ARHGAP25: variants seen among roughly 807,000 people sequenced by gnomAD.
ARHGAP25 encodes Rho GTPase activating protein 25.
Under a neutral mutation model 71.0 loss-of-function variants are expected in ARHGAP25, and 34 were observed. The observed-to-expected ratio is 0.48, with a 90% confidence interval of 0.36 to 0.64. The LOEUF (loss-of-function observed/expected upper bound fraction) is 0.64. Among genes scored for constraint, ARHGAP25 ranks in the 30% least tolerant of loss-of-function variants. The pLI, the probability that ARHGAP25 is intolerant of heterozygous loss-of-function variation, is 0.00. For missense variants in ARHGAP25, 706 were observed against 805.1 expected (o/e 0.88, Z 1.49); for synonymous variants, 282 against 296.5 (o/e 0.95, Z 0.50).
chr2:68,782,293 G>A lies in ARHGAP25; in HGVS notation c.322G>A (p.Gly108Arg), dbSNP rs1678398474. The part of the protein sequence containing the change: ...KEIATNPEEA[G>R]KFVFEIIPAS... ...GATCGCCACAAACCCAGAAGAAGCT[G>A]GGAAGTTTGTCTTTGAAATCATTCC... is the stretch of plus-strand genomic sequence containing the variant. The change falls in exon 3 of 11, where the codon GGG (glycine) becomes AGG (arginine). Residue 108 changes from glycine (G) to arginine (R), a missense_variant. Transcript: ENST00000409202. 1 of 1,614,112 alleles carries A rather than the reference G, an allele frequency of 6.2e-7. No homozygotes were observed. The highest frequency in any genetic ancestry group is 8.5e-7 in the Non-Finnish European group (1 of 1,179,992).
chr2:68,816,570 C>G, intron 7 of ARHGAP25: 3 of 555,644 alleles, frequency 5.4e-6, no homozygotes, highest in South Asian at 4.2e-5. Flanking sequence ...AACGTGCTCC[C>G]CCATTTAGGC....
chr2:68,762,549 C>T (rs532741543), intron 1 of ARHGAP25, among the ~76,000 whole-genome samples: 1 of 152,142 alleles, frequency 6.6e-6, no homozygotes, highest in South Asian at 2.1e-4. Context: ...AGGACCGCAT[C>T]CTGGGGTCCC....
At chr2:68,758,601 A>G (rs1418947514) in intron 1 of ARHGAP25, among the ~76,000 whole-genome samples, 1 of 151,950 alleles carries the variant, frequency 6.6e-6, no homozygotes, top group Non-Finnish European at 1.5e-5. Context: ...AGACCATAAA[A>G]ATATATAAAG....
At chr2:68,742,077 C>G (rs970245760) in intron 1 of ARHGAP25, among the ~76,000 whole-genome samples, 1 of 152,188 alleles carries the variant, frequency 6.6e-6, no homozygotes, top group African/African-American at 2.4e-5. Context: ...TAAGCTGTGA[C>G]TGACTAAGGT....
intron 1 of ARHGAP25, among the ~76,000 whole-genome samples, chr2:68,758,618 T>C (rs766241289): frequency 2.6e-5 from 4 of 151,920 alleles, no homozygotes; most frequent in East Asian, 1.9e-4. Context: ...AAAGCAAGCA[T>C]TGATAAAATT....
rs145791117 is a variant in ARHGAP25, at chr2:68,793,037, T to G, written c.466+5081T>G. 3.6e-4 allele frequency among the ~76,000 whole-genome samples: 55 copies of G among 152,324 alleles called. No homozygotes were observed. The East Asian group carries it at 8.9e-3, about 25-fold the overall frequency. On this transcript the variant is annotated intron_variant, in intron 4 of 10. Transcript: ENST00000409202. ...CTCTGATGATTATTAATGTTGAGGATTTTTTTCATATGCATGTTTGTCATT... is the reference window on the plus strand; with the variant it reads ...CTCTGATGATTATTAATGTTGAGGAGTTTTTTCATATGCATGTTTGTCATT...
Position 68,826,214 on chromosome 2 carries a change from G to T in ARHGAP25, c.*20G>T, listed in dbSNP as rs1219738017. Reference sequence around the variant, plus strand: ...GCTTAAGGGTCCCAGGAGTACTGCAGGGACAGCCCCAGAGAGGCCCAACTC... The same window carrying T: ...GCTTAAGGGTCCCAGGAGTACTGCATGGACAGCCCCAGAGAGGCCCAACTC... On this transcript the variant is annotated 3_prime_UTR_variant, in exon 11 of 11. Transcript: ENST00000409202. 6.2e-7 allele frequency: 1 copy of T among 1,612,106 alleles called. No individual in the cohort carries two copies. The highest frequency in any genetic ancestry group is 1.3e-5 in the African/African-American group (1 of 74,878).
intron 1 of ARHGAP25, among the ~76,000 whole-genome samples, chr2:68,746,577 C>G (rs536484464): frequency 1.3e-5 from 2 of 152,234 alleles, no homozygotes; most frequent in East Asian, 3.9e-4. Flanking sequence ...GCAGAGAGGC[C>G]CAGAACAAAG....
chr2:68,714,357 TATTTG>T (rs1185072352), intron 2 of ARHGAP25, among the ~76,000 whole-genome samples: 1 of 152,212 alleles, frequency 6.6e-6, no homozygotes, highest in African/African-American at 2.4e-5. Flanking sequence ...TTATTGCATC[TATTTG>T]ATTTTTCTCT....
chr2:68,786,911 T>C (rs1678796017), intron 3 of ARHGAP25, among the ~76,000 whole-genome samples: 1 of 152,260 alleles, frequency 6.6e-6, no homozygotes, highest in Non-Finnish European at 1.5e-5. Flanking sequence ...GGGATCACTA[T>C]TGTTTTCTTG....
intron 4 of ARHGAP25, among the ~76,000 whole-genome samples, chr2:68,800,107 A>G (rs905073040): frequency 2.0e-5 from 3 of 151,732 alleles, no homozygotes; most frequent in Non-Finnish European, 4.4e-5. Context: ...CAGAGCCTCT[A>G]CCCTCTCCTG....
Position 68,826,186 on chromosome 2 carries a change from G to A in ARHGAP25, c.1933G>A (p.Glu645Lys), listed in dbSNP as rs142138598. 638 of 1,614,184 alleles carry A rather than the reference G, an allele frequency of 4.0e-4. 1 individual carries two copies. In the African/African-American group the frequency reaches 7.2e-3, roughly 18 times the overall value. Residue 645 changes from glutamate to lysine, a missense_variant, in exon 11 of 11, where the codon GAG (glutamate) becomes AAG (lysine). Glu to Lys is a moderately conservative substitution (Grantham distance 56). Transcript: ENST00000409202. ...CAAATCCATGAAGGAACCCAAGACC[G>A]AGGCTTAAGGGTCCCAGGAGTACTG... is the stretch of plus-strand genomic sequence containing the variant. ...FVKSMKEPKTEA is the reference protein window; with the variant it reads ...FVKSMKEPKTKA
chr2:68,782,653 C>G (rs1017189734), intron 3 of ARHGAP25, among the ~76,000 whole-genome samples: 3 of 152,182 alleles, frequency 2.0e-5, no homozygotes, highest in Non-Finnish European at 4.4e-5. Flanking sequence ...CTAAAATGAA[C>G]TCATTGTAGA....
intron 2 of ARHGAP25, among the ~76,000 whole-genome samples, chr2:68,713,217 TC>T (rs1467772186): frequency 2.0e-5 from 3 of 152,184 alleles, no homozygotes; most frequent in Non-Finnish European, 4.4e-5. Context: ...CTTGAAGAGG[TC>T]CTTCCCATCC....
chr2:68,712,511 A>G (rs1674510046), intron 2 of ARHGAP25, among the ~76,000 whole-genome samples: 1 of 152,188 alleles, frequency 6.6e-6, no homozygotes, highest in African/African-American at 2.4e-5. Context: ...TCTTTAGTTT[A>G]ATTAGATCCC....
At position 68,720,843 on chromosome 2, in the gene ARHGAP25, AG is replaced by A. The variant is rs1674746176; in HGVS notation, c.-18+10149del. Among the ~76,000 whole-genome samples, 4 of 152,148 alleles carry A rather than the reference AG, an allele frequency of 2.6e-5. No individual in the cohort carries two copies. The South Asian group carries it at 8.3e-4, about 31-fold the overall frequency. On this transcript the variant is annotated intron_variant and NMD_transcript_variant, in intron 2 of 7. Coordinates refer to the ARHGAP25 transcript ENST00000463483. ...GTACTGGGCCACTGGGCAGGCAAGG[AG>A]GGGCTCCTTAAACCACACCAGAGGT...
chr2:68,734,467 A>G (rs1375735196), upstream of ARHGAP25, among the ~76,000 whole-genome samples: 1 of 152,202 alleles, frequency 6.6e-6, no homozygotes, highest in Non-Finnish European at 1.5e-5. Flanking sequence ...AGAGCTTGCG[A>G]CATGGTCCTT....
intron 1 of ARHGAP25, among the ~76,000 whole-genome samples, chr2:68,740,596 G>A (rs999894444): frequency 6.6e-6 from 1 of 152,098 alleles, no homozygotes; most frequent in African/African-American, 2.4e-5. Flanking sequence ...TTGTCCACGG[G>A]GAGTCTCTAG....
intron 1 of ARHGAP25, among the ~76,000 whole-genome samples, chr2:68,757,430 C>A (rs1320232421): frequency 6.6e-6 from 1 of 152,060 alleles, no homozygotes; most frequent in Middle Eastern, 3.2e-3. Flanking sequence ...TTGTCTCATA[C>A]AAGGAATTTT....
Sources: gnomAD v4.1 joint callset for allele counts (sites outside exome capture counted in the v4.1 genomes callset) on GRCh38, gnomAD v4.1.1 for gene constraint, MANE v1.5 for transcripts, NCBI Gene and HGNC (gene_info 2026-07-23, HGNC 2026-07-21) for gene names.